The following ADAR variants were observed in gnomAD, a reference collection of about 807,000 sequenced individuals.
ADAR encodes adenosine deaminase RNA specific.
A neutral mutation model predicts 113.2 loss-of-function variants in ADAR; 41 were observed. The observed-to-expected ratio is 0.36, with a 90% CI of 0.28 to 0.47. The LOEUF (loss-of-function observed/expected upper bound fraction) is 0.47. Among genes scored for constraint, ADAR ranks in the 20% least tolerant of loss-of-function variants. The probability of loss-of-function intolerance (pLI) is 1.00; values close to 1 mark genes in which losing one functional copy is unlikely to be tolerated. For synonymous variants in ADAR, 605 were observed against 572.6 expected, an observed-to-expected ratio of 1.06 and a Z score of -0.81; for missense variants, 1,242 against 1,540.9, an observed-to-expected ratio of 0.81 and a Z score of 3.25.
At chr1:154,621,705 C>G (rs981696074) in intron 1 of ADAR, among the ~76,000 whole-genome samples, 1 of 152,048 alleles carries the variant, frequency 6.6e-6, no homozygotes, top group African/African-American at 2.4e-5. Context: ...ATACTCAGTT[C>G]TGGAGAGGAG....
Position 154,588,665 on chromosome 1 carries a change from T to C in ADAR, c.2771A>G (p.Tyr924Cys), listed in dbSNP as rs1239118427. Residue 924 changes from tyrosine (Y) to cysteine (C), a missense_variant, in exon 10 of 15, where the codon TAC (tyrosine) becomes TGC (cysteine). By Grantham distance (194) the Tyr-to-Cys change is radical. This residue lies in a region of ADAR where 780 missense variants were observed against 1,057.9 expected (regional missense o/e 0.74). Transcript: ENST00000368474. ...ISRRGFIRFL[Y>C]SELMKYNSQT... ...GGAGTTGTATTTCATTAACTCACTG[T>C]AGAGAAACCTACAAAAAGAAAGTCT... The C allele has an allele frequency of 6.2e-7, 1 of 1,614,240 alleles. No homozygotes were observed. Among genetic ancestry groups the C allele is most frequent in the Non-Finnish European group, 8.5e-7 (1 of 1,180,040 alleles).
At chr1:154,627,850 C>G in intron 1 of ADAR, 1 of 517,600 alleles carries the variant, frequency 1.9e-6, no homozygotes. Flanking sequence ...GACAGAGGCT[C>G]TTACCGGGTC....
chr1:154,613,907 A>C (rs1393410286), intron 1 of ADAR, among the ~76,000 whole-genome samples: 2 of 150,950 alleles, frequency 1.3e-5, no homozygotes, highest in Non-Finnish European at 1.5e-5. Flanking sequence ...TCCATCTCAA[A>C]AAAAAAAAAA....
intron 2 of ADAR, 123 bp from the exon 3 acceptor site, chr1:154,598,708 G>C (rs1046257120): frequency 1.8e-5 from 18 of 984,138 alleles, no homozygotes; most frequent in Non-Finnish European, 2.6e-5. Flanking sequence ...TGGAGATGAA[G>C]GGTAGGCCAA....
chr1:154,606,945 A>ATATAT (rs59439306), intron 1 of ADAR, among the ~76,000 whole-genome samples: 13,202 of 81,834 alleles, frequency 0.16, 718 homozygotes, highest in South Asian at 0.21. Context: ...TAAAAAAAAA[A>ATATAT]AAATATATAT....
intron 1 of ADAR, among the ~76,000 whole-genome samples, chr1:154,626,188 C>T (rs1033978745): frequency 6.9e-6 from 1 of 145,892 alleles, no homozygotes; most frequent in African/African-American, 2.5e-5. Context: ...GATATTGGCT[C>T]ACTGCAACCT....
rs779357448 is a variant in ADAR at position 154,590,245 on chromosome 1, CCT to C, written c.2433_2434del (p.Ala813GlnfsTer29). On this transcript the variant is annotated frameshift_variant, in exon 7 of 15. Coordinates refer to ENST00000368474, the MANE Select transcript of ADAR (RefSeq NM_001111.5). LOFTEE classifies it high-confidence loss of function. Reference sequence around the variant, plus strand: ...GAGCATAGTTCTTCTGAGACTGGCCCCTGTCACTGGGGTTACCTCTGTGAAAC... The same window carrying C: ...GAGCATAGTTCTTCTGAGACTGGCCCGTCACTGGGGTTACCTCTGTGAAAC... 1.2e-5 allele frequency: 19 copies of C among 1,613,700 alleles called. No individual in the cohort carries two copies. The highest frequency in any genetic ancestry group is 2.7e-5 in the African/African-American group (2 of 74,754).
rs185952792 is a variant in ADAR at position 154,607,039 on chromosome 1, C to T, written c.15+953G>A. ...GTATAAATCTATGAATTTCGACAAT[C>T]GCCACCACAATCAAGATATAGAACA... On this transcript the variant is annotated intron_variant, in intron 1 of 14. Coordinates refer to ENST00000368474, the MANE Select transcript of ADAR (RefSeq NM_001111.5). 1.0e-3 allele frequency among the ~76,000 whole-genome samples: 156 copies of T among 152,018 alleles called. 1 individual carries two copies. The highest frequency in any genetic ancestry group is 7.3e-3 in the South Asian group (35 of 4,824).
At chr1:154,624,364 A>C (rs1014277185) in intron 1 of ADAR, among the ~76,000 whole-genome samples, 2 of 152,160 alleles carry the variant, frequency 1.3e-5, no homozygotes, top group Non-Finnish European at 2.9e-5. Flanking sequence ...TCTGATAAAG[A>C]TGGTGAAATA....
In ADAR at chr1:154,608,037, C is replaced by G; in HGVS notation, c.-31G>C. ...CCGCGAGGCATTGCCCGGCCCGACC[C>G]GCCGGCGGCACGACCCTGGCCCGAC... On this transcript the variant is annotated 5_prime_UTR_variant, in exon 1 of 15. Coordinates refer to ENST00000368474, the MANE Select transcript of ADAR (RefSeq NM_001111.5). 2 of 1,569,300 alleles carry G rather than the reference C, an allele frequency of 1.3e-6. No individual in the cohort carries two copies. The highest frequency in any genetic ancestry group is 1.7e-6 in the Non-Finnish European group (2 of 1,157,024).
rs121912421 is a variant in ADAR at position 154,601,222 on chromosome 1, G to A, written c.1420C>T (p.Arg474Ter). 3 of 1,614,208 alleles carry A rather than the reference G, an allele frequency of 1.9e-6. No individual in the cohort carries two copies. Among genetic ancestry groups the A allele is most frequent in the Non-Finnish European group, 1.7e-6 (2 of 1,180,028 alleles). The change falls in exon 2 of 15, where the codon CGA becomes TGA. Residue 474 changes from arginine to a stop codon, truncating the protein, a stop_gained. Coordinates refer to ENST00000368474, the MANE Select transcript of ADAR (RefSeq NM_001111.5). LOFTEE classifies it high-confidence loss of function. This position sits in a 1 kb window ranked among gnomAD's most constrained non-coding sequence, Gnocchi z 4.7. The stretch of plus-strand genomic sequence containing the variant: ...AAGGAGGGCATCTCCATGATGGCTC[G>A]AAACTCACCTGGTGCTGCGCGGATA... ...NSIRAAPGEF[R>*]AIMEMPSFYS...
rs1355776545 is a variant in ADAR at position 154,584,786 on chromosome 1, C to G, written c.*20G>C. ...ACACCCTAGTATGACACACCCTAAT[C>G]CATCTGTCACTGGAGCATACTATAC... On this transcript the variant is annotated 3_prime_UTR_variant, in exon 15 of 15. Transcript: ENST00000368474. 6.3e-7 allele frequency: 1 copy of G among 1,586,836 alleles called. No individual in the cohort carries two copies. Among genetic ancestry groups the G allele is most frequent in the Admixed American group, 1.7e-5 (1 of 59,978 alleles).
chr1:154,598,000 G>T (rs1449646752), intron 3 of ADAR, 24 bp from the exon 4 acceptor site: 1 of 1,610,382 alleles, frequency 6.2e-7, no homozygotes, highest in Non-Finnish European at 8.5e-7. Context: ...GAGACAAGAA[G>T]AAAACAAAAC....
Position 154,585,797 on chromosome 1 carries a change from A to G in ADAR, c.3271T>C (p.Phe1091Leu). The G allele has an allele frequency of 1.2e-6, 2 of 1,614,056 alleles. No individual in the cohort carries two copies. Among genetic ancestry groups the G allele is most frequent in the Non-Finnish European group, 1.7e-6 (2 of 1,179,916 alleles). ...CCRVTRDGSAFEDGLRHPFIV... is the reference protein window; with the variant it reads ...CCRVTRDGSALEDGLRHPFIV... ...AAGGGATGTCGTAGTCCATCCTCAAATGCACTCCCATCTCTTGTCACACGA... is the reference window on the plus strand; with the variant it reads ...AAGGGATGTCGTAGTCCATCCTCAAGTGCACTCCCATCTCTTGTCACACGA... The change falls in exon 13 of 15, where the codon TTT becomes CTT. Residue 1091 changes from phenylalanine (F) to leucine (L), a missense_variant. Physicochemically the swap from Phe to Leu is conservative, Grantham distance 22 (BLOSUM62 0). Coordinates refer to ENST00000368474, the MANE Select transcript of ADAR (RefSeq NM_001111.5).
chr1:154,611,833 C>T (rs757092506), upstream of ADAR, among the ~76,000 whole-genome samples: 11 of 152,204 alleles, frequency 7.2e-5, no homozygotes, highest in Non-Finnish European at 1.3e-4. Flanking sequence ...AAATGAAGTA[C>T]TCAGAAACTC....
At chr1:154,589,586 C>G in intron 8 of ADAR, 124 bp from the exon 9 acceptor site, 1 of 1,172,870 alleles carries the variant, frequency 8.5e-7, no homozygotes, top group Non-Finnish European at 1.3e-6. Context: ...CCTAGACTCC[C>G]ATATTCTCTC....
In ADAR at chr1:154,607,984, C is replaced by G; in HGVS notation, c.15+8G>C. 4 of 1,609,724 alleles carry G rather than the reference C, an allele frequency of 2.5e-6. No homozygotes were observed. The highest frequency in any genetic ancestry group is 3.4e-6 in the Non-Finnish European group (4 of 1,178,438). On this transcript the variant is annotated splice_region_variant and intron_variant, in intron 1 of 14. Transcript: ENST00000368474. ...CGGCGGCGAAGGTCCAAGGCCGGCC[C>G]GGCTTACCTGCCGCGGATTCATTGC...
At position 154,583,790 on chromosome 1, in the gene ADAR, G is replaced by A. The variant is rs1127314; in HGVS notation, c.*1016C>T. The A allele has an allele frequency of 0.6, 91,899 of 152,104 alleles. 29,819 individuals carry two copies. Among genetic ancestry groups the A allele is most frequent in the South Asian group, 0.77 (3,693 of 4,816 alleles). 9.4% of individuals were successfully genotyped at this position (152,104 alleles called of 1,614,324 possible). A position where few individuals can be genotyped will look rare whatever the true frequency, so the allele number is the denominator to read the frequency against. The stretch of plus-strand genomic sequence containing the variant: ...TCACTGTCATGAGAGATATTACACC[G>A]GGTGGAACAGTGACGTTAAGCCAAC... On this transcript the variant is annotated 3_prime_UTR_variant, in exon 15 of 15. Coordinates refer to ENST00000368474, the MANE Select transcript of ADAR (RefSeq NM_001111.5).
rs201446735 is a variant in ADAR at position 154,602,260 on chromosome 1, A to T, written c.382T>A (p.Ser128Thr). The change falls in exon 2 of 15, where the codon TCA (serine) becomes ACA (threonine). Residue 128 changes from serine (S) to threonine (T), a missense_variant. By Grantham distance (58) the Ser-to-Thr change is moderately conservative. Around this residue, in one of 2 missense-constraint regions of ADAR, gnomAD observed 462 missense variants for 483.1 expected, o/e 0.96. Coordinates refer to ENST00000368474, the MANE Select transcript of ADAR (RefSeq NM_001111.5). ...TAGATACTCAGTTCCTGGAAATGTGAGGAAAGGCAATCAACACCTCTCTGT... is the reference window on the plus strand; with the variant it reads ...TAGATACTCAGTTCCTGGAAATGTGTGGAAAGGCAATCAACACCTCTCTGT... The part of the protein sequence containing the change: ...LPQRGVDCLS[S>T]HFQELSIYQD... 4 of 1,614,094 alleles carry T rather than the reference A, an allele frequency of 2.5e-6. No individual in the cohort carries two copies. Among genetic ancestry groups the T allele is most frequent in the Non-Finnish European group, 3.4e-6 (4 of 1,180,012 alleles).
Sources: gnomAD v4.1 joint callset for allele counts (sites outside exome capture counted in the v4.1 genomes callset) on GRCh38, gnomAD v4.1.1 for gene constraint, gnomAD v4.1.1 regional missense constraint, Gnocchi (gnomAD v3.1) non-coding constraint, MANE v1.5 for transcripts, NCBI Gene and HGNC (gene_info 2026-07-23, HGNC 2026-07-21) for gene names.